Variants in KSR2 observed in about 807,000 individuals in gnomAD.
KSR2 encodes kinase suppressor of ras 2.
A neutral mutation model predicts 107.8 loss-of-function variants in KSR2; 25 were observed. That is an observed-to-expected ratio of 0.23 (90% CI 0.17 to 0.32). KSR2 has a LOEUF of 0.32. KSR2 is among the 10% of genes least tolerant of loss of function. The pLI is 1.00. For synonymous variants in KSR2, 480 were observed against 507.0 expected (o/e 0.95, Z 0.71); for missense variants, 887 against 1,268.9 (o/e 0.70, Z 4.57).
intron 14 of KSR2, among the ~76,000 whole-genome samples, chr12:117,501,242 G>T (rs1330884952): frequency 6.6e-6 from 1 of 152,236 alleles, no homozygotes; most frequent in African/African-American, 2.4e-5. Flanking sequence ...GTCTACAGCT[G>T]TTTTCATGTT....
chr12:117,888,550 G>A (rs560425618), intron 1 of KSR2, among the ~76,000 whole-genome samples: 2 of 152,160 alleles, frequency 1.3e-5, no homozygotes, highest in Admixed American at 6.5e-5. Flanking sequence ...ACCTGAGGGT[G>A]AAGCCTCCAT....
chr12:117,785,577 T>G (rs887573360), intron 3 of KSR2, among the ~76,000 whole-genome samples: 2 of 152,090 alleles, frequency 1.3e-5, no homozygotes, highest in African/African-American at 4.8e-5. Context: ...GCAATTTTCA[T>G]AGAGAAACAG....
intron 4 of KSR2, among the ~76,000 whole-genome samples, chr12:117,725,452 C>T (rs773396265): frequency 1.3e-5 from 2 of 152,154 alleles, no homozygotes; most frequent in Admixed American, 6.5e-5. Context: ...GTCTTTTCAA[C>T]AAATGGTGCT....
chr12:117,946,818 C>T (rs1434327370), intron 1 of KSR2, among the ~76,000 whole-genome samples: 1 of 152,070 alleles, frequency 6.6e-6, no homozygotes, highest in Non-Finnish European at 1.5e-5. Flanking sequence ...TTCAAAAATT[C>T]TACATCAAAC....
intron 1 of KSR2, among the ~76,000 whole-genome samples, chr12:117,869,271 C>T (rs914115452): frequency 1.3e-5 from 2 of 152,028 alleles, no homozygotes; most frequent in Admixed American, 1.3e-4. Context: ...ACTCAGGAGC[C>T]TGAGGTGGGA....
chr12:117,700,903 A>G (rs1037816138), intron 4 of KSR2, among the ~76,000 whole-genome samples: 1 of 152,162 alleles, frequency 6.6e-6, no homozygotes, highest in Non-Finnish European at 1.5e-5. Flanking sequence ...AGGAACTCCC[A>G]TTGTATTTCC....
intron 5 of KSR2, among the ~76,000 whole-genome samples, chr12:117,603,287 C>T (rs1881056019): frequency 2.0e-5 from 3 of 152,192 alleles, no homozygotes; most frequent in African/African-American, 7.2e-5. Context: ...ACAAAAGTCT[C>T]CAACCTCCTT....
chr12:117,756,365 T>C (rs1054656195), intron 4 of KSR2, among the ~76,000 whole-genome samples: 1 of 152,214 alleles, frequency 6.6e-6, no homozygotes, highest in African/African-American at 2.4e-5. Context: ...TGCTCATTTA[T>C]CATGCCAAAA....
chr12:117,540,988 C>T (rs1001008233), intron 9 of KSR2, among the ~76,000 whole-genome samples: 1 of 152,242 alleles, frequency 6.6e-6, no homozygotes, highest in African/African-American at 2.4e-5. Context: ...ACATCCTGGG[C>T]AAAATGCCCA....
chr12:117,483,348 G>T (rs1872277807), intron 16 of KSR2, among the ~76,000 whole-genome samples: 1 of 151,550 alleles, frequency 6.6e-6, no homozygotes, highest in Non-Finnish European at 1.5e-5. Flanking sequence ...ACTTTGTCCG[G>T]GTTCCTGGGG....
At chr12:117,902,198 C>T (rs1476384591) in intron 1 of KSR2, among the ~76,000 whole-genome samples, 1 of 152,166 alleles carries the variant, frequency 6.6e-6, no homozygotes, top group Non-Finnish European at 1.5e-5. Flanking sequence ...GTGGCTCACA[C>T]CTGTAATCCC....
chr12:117,579,496 T>C (rs1451807047), intron 6 of KSR2, among the ~76,000 whole-genome samples: 1 of 152,200 alleles, frequency 6.6e-6, no homozygotes, highest in Non-Finnish European at 1.5e-5. Flanking sequence ...ATAAATTGGG[T>C]TGTGACTATA....
intron 1 of KSR2, among the ~76,000 whole-genome samples, chr12:117,888,191 G>C (rs1418813547): frequency 1.3e-5 from 2 of 152,096 alleles, no homozygotes; most frequent in Non-Finnish European, 1.5e-5. Context: ...TTTTTACGTA[G>C]GGCACTTTCA....
At chr12:117,815,690 G>T (rs539542000) in intron 3 of KSR2, among the ~76,000 whole-genome samples, 2 of 152,112 alleles carry the variant, frequency 1.3e-5, no homozygotes, top group South Asian at 2.1e-4. Flanking sequence ...GTGTGTGTGT[G>T]GGGGGCGCAG....
chr12:117,453,975 T>A lies in KSR2; in HGVS notation c.*13224A>T, dbSNP rs556717573. 4 of 152,266 alleles carry A rather than the reference T, an allele frequency of 2.6e-5. No individual in the cohort carries two copies. The East Asian group carries it at 7.7e-4, about 29-fold the overall frequency. 9.4% of individuals were successfully genotyped at this position (152,266 alleles called of 1,614,324 possible). A position where few individuals can be genotyped will look rare whatever the true frequency, so the allele number is the denominator to read the frequency against. ...TTGTAGACGGGGGGAGGGGGTGTCC[T>A]TATGACACTTGGGCATCCCTCCCCA... On this transcript the variant is annotated 3_prime_UTR_variant, in exon 20 of 20. Transcript: ENST00000339824.
chr12:117,908,110 G>A lies in KSR2; in HGVS notation c.181-47679C>T, dbSNP rs530313583. Among the ~76,000 whole-genome samples the A allele has an allele frequency of 8.5e-5, 13 of 152,176 alleles. No individual in the cohort carries two copies. In the South Asian group the frequency reaches 2.1e-3, roughly 24 times the overall value. ...CATCAATATCTTTAATTCATATTTC[G>A]TGTTGAAATGAAAATGATTTATATA... On this transcript the variant is annotated intron_variant, in intron 1 of 19. Transcript: ENST00000339824.
At chr12:117,471,067 T>C (rs1871423454) in intron 18 of KSR2, 124 bp downstream of exon 18, 20 of 1,151,830 alleles carry the variant, frequency 1.7e-5, no homozygotes, top group Non-Finnish European at 2.3e-5. Context: ...AAGGTTGGAA[T>C]GCATATTTTT....
Position 117,720,008 on chromosome 12 carries a change from T to C in KSR2, c.986+41003A>G, listed in dbSNP as rs551495857. On this transcript the variant is annotated intron_variant, in intron 4 of 19. Transcript: ENST00000339824. Reference sequence around the variant, plus strand: ...CTCCACTCCTTCATCACTCCTTCCATGCAGAGACAGAGTGACTCAATAACT... The same window carrying C: ...CTCCACTCCTTCATCACTCCTTCCACGCAGAGACAGAGTGACTCAATAACT... Among the ~76,000 whole-genome samples the C allele has an allele frequency of 1.5e-3, 231 of 152,338 alleles. 2 individuals carry two copies. The highest frequency in any genetic ancestry group is 5.4e-3 in the African/African-American group (223 of 41,578).
At chr12:117,505,265 A>G (rs1270862727) in intron 14 of KSR2, among the ~76,000 whole-genome samples, 3 of 152,166 alleles carry the variant, frequency 2.0e-5, no homozygotes, top group African/African-American at 7.2e-5. Context: ...GGAAGCTATC[A>G]CATCATGTTG....
Sources: gnomAD v4.1 joint callset for allele counts (sites outside exome capture counted in the v4.1 genomes callset) on GRCh38, gnomAD v4.1.1 for gene constraint, MANE v1.5 for transcripts, NCBI Gene and HGNC (gene_info 2026-07-23, HGNC 2026-07-21) for gene names.